Variants in KDM4C observed in about 807,000 individuals in gnomAD.
KDM4C encodes the protein lysine-specific demethylase 4C.
Under a neutral mutation model 129.3 loss-of-function variants are expected in KDM4C, and 81 were observed. The ratio of observed to expected loss-of-function variants is 0.63; its 90% CI spans 0.52 to 0.75. KDM4C has a LOEUF of 0.75. Among genes scored for constraint, KDM4C ranks in the 30% least tolerant of loss-of-function variants. The pLI is 0.00. For synonymous variants in KDM4C, 573 were observed against 456.1 expected, an observed-to-expected ratio of 1.26 and a Z score of -3.26; for missense variants, 1,457 against 1,304.0, an observed-to-expected ratio of 1.12 and a Z score of -1.81.
intron 8 of KDM4C, among the ~76,000 whole-genome samples, chr9:6,930,625 A>G (rs1379380479): frequency 6.7e-6 from 1 of 148,334 alleles, no homozygotes; most frequent in African/African-American, 2.5e-5. Flanking sequence ...ATAATATATA[A>G]CATATTCATA....
At chr9:6,942,065 T>G (rs373563737) in intron 8 of KDM4C, among the ~76,000 whole-genome samples, 1 of 152,194 alleles carries the variant, frequency 6.6e-6, no homozygotes, top group African/African-American at 2.4e-5. Flanking sequence ...CCAATATAAA[T>G]TGGTAGAGCA....
At chr9:6,921,236 C>G (rs1821444532) in intron 8 of KDM4C, among the ~76,000 whole-genome samples, 1 of 152,152 alleles carries the variant, frequency 6.6e-6, no homozygotes, top group African/African-American at 2.4e-5. Context: ...ATGCTGATTA[C>G]TAATGACTAC....
intron 4 of KDM4C, chr9:6,835,151 C>T (rs1835653307): frequency 1.0e-6 from 1 of 972,046 alleles, no homozygotes; most frequent in Non-Finnish European, 1.7e-6. Context: ...GCTTCCAGCT[C>T]CTCCCTGGAG....
intron 19 of KDM4C, among the ~76,000 whole-genome samples, chr9:7,146,967 T>C (rs1022304427): frequency 1.3e-5 from 2 of 152,240 alleles, no homozygotes; most frequent in African/African-American, 4.8e-5. Context: ...TTTTGTCTCC[T>C]CCCTATCCTC....
At chr9:7,037,134 T>G (rs1291498954) in intron 15 of KDM4C, among the ~76,000 whole-genome samples, 1 of 152,204 alleles carries the variant, frequency 6.6e-6, no homozygotes, top group Non-Finnish European at 1.5e-5. Context: ...TCTGTTAATG[T>G]GATTAATTAC....
intron 1 of KDM4C, among the ~76,000 whole-genome samples, chr9:6,783,311 G>A (rs1262066495): frequency 1.3e-5 from 2 of 152,220 alleles, no homozygotes; most frequent in African/African-American, 4.8e-5. Context: ...TGGATTGAAT[G>A]AATAAGGACC....
At chr9:6,798,484 A>C (rs1045868735) in intron 2 of KDM4C, among the ~76,000 whole-genome samples, 5 of 152,072 alleles carry the variant, frequency 3.3e-5, no homozygotes, top group African/African-American at 1.2e-4. Context: ...AACAAAGCAC[A>C]TCTTGCACCG....
At chr9:6,938,204 A>C (rs1825174560) in intron 8 of KDM4C, among the ~76,000 whole-genome samples, 1 of 151,974 alleles carries the variant, frequency 6.6e-6, no homozygotes, top group Admixed American at 6.6e-5. Context: ...TATAATATTT[A>C]ATATATAGAT....
intron 17 of KDM4C, among the ~76,000 whole-genome samples, chr9:7,062,881 T>A (rs1226227977): frequency 6.6e-6 from 1 of 152,180 alleles, no homozygotes; most frequent in Non-Finnish European, 1.5e-5. Flanking sequence ...TGAGGAGGAA[T>A]TGACTTCTGA....
In KDM4C at chr9:6,935,379, T is replaced by C. The variant is rs191044369; in HGVS notation, c.921+42147T>C. On this transcript the variant is annotated intron_variant, in intron 8 of 21. Coordinates refer to ENST00000381309, the MANE Select transcript of KDM4C (RefSeq NM_015061.6). ...TCAATTTTTATATCCTGTTCACATA[T>C]TTTTTAGCTACAGTAAAACATGATT... is the stretch of plus-strand genomic sequence containing the variant. Among the ~76,000 whole-genome samples the C allele has an allele frequency of 1.8e-4, 28 of 152,228 alleles. No individual in the cohort carries two copies. The East Asian group carries it at 5.4e-3, about 29-fold the overall frequency.
chr9:7,107,683 T>A (rs1837849646), intron 18 of KDM4C, among the ~76,000 whole-genome samples: 2 of 152,232 alleles, frequency 1.3e-5, no homozygotes, highest in African/African-American at 2.4e-5. Flanking sequence ...GTTGTATTCA[T>A]AGCTTTAGAA....
chr9:7,173,839 C>T (rs1845194592), intron 21 of KDM4C, among the ~76,000 whole-genome samples: 1 of 152,168 alleles, frequency 6.6e-6, no homozygotes, highest in Admixed American at 6.5e-5. Flanking sequence ...TGGGGAAATG[C>T]ACTTACAGGC....
chr9:6,964,219 T>C (rs575164383), intron 8 of KDM4C, among the ~76,000 whole-genome samples: 5 of 152,082 alleles, frequency 3.3e-5, no homozygotes, highest in South Asian at 4.2e-4. Flanking sequence ...AGGTATATCT[T>C]CTATTGCTAT....
intron 17 of KDM4C, among the ~76,000 whole-genome samples, chr9:7,068,917 G>A (rs1261701561): frequency 2.6e-5 from 4 of 151,744 alleles, no homozygotes; most frequent in Non-Finnish European, 5.9e-5. Context: ...GACTGGTCTC[G>A]AACTCCTGAC....
chr9:7,086,950 C>G (rs895407221), intron 17 of KDM4C, among the ~76,000 whole-genome samples: 1 of 152,234 alleles, frequency 6.6e-6, no homozygotes, highest in African/African-American at 2.4e-5. Flanking sequence ...CCATGCGTCT[C>G]TGAGCTCACC....
chr9:7,115,660 T>C (rs905242777), intron 18 of KDM4C, among the ~76,000 whole-genome samples: 3 of 152,214 alleles, frequency 2.0e-5, no homozygotes, highest in African/African-American at 7.2e-5. Flanking sequence ...AAAAGGCAAT[T>C]AAATGAAATA....
At chr9:6,934,608 C>T (rs918588528) in intron 8 of KDM4C, among the ~76,000 whole-genome samples, 3 of 151,698 alleles carry the variant, frequency 2.0e-5, no homozygotes, top group African/African-American at 7.3e-5. Flanking sequence ...GGACTACAGG[C>T]ACGCGCCACC....
chr9:6,757,641 G>A (rs1818448517), upstream of KDM4C: 2 of 985,488 alleles, frequency 2.0e-6, no homozygotes, highest in African/African-American at 3.5e-5. Flanking sequence ...GTCGGAGGCC[G>A]CCATAGGTGC....
At position 6,735,623 on chromosome 9, in the gene KDM4C, C is replaced by T. The variant is rs575490848; in HGVS notation, c.49+14626C>T. ...TTTGCATGCTGCCATCCATGTGAGACGTGCCTTGCTCCTCCTTGCCTTCTG... is the reference window on the plus strand; with the variant it reads ...TTTGCATGCTGCCATCCATGTGAGATGTGCCTTGCTCCTCCTTGCCTTCTG... On this transcript the variant is annotated intron_variant, in intron 1 of 17. Coordinates refer to the KDM4C transcript ENST00000536108. 2.0e-4 allele frequency among the ~76,000 whole-genome samples: 30 copies of T among 152,304 alleles called. 1 individual carries two copies. The South Asian group carries it at 4.6e-3, about 23-fold the overall frequency.
Sources: gnomAD v4.1 joint callset for allele counts (sites outside exome capture counted in the v4.1 genomes callset) on GRCh38, gnomAD v4.1.1 for gene constraint, MANE v1.5 for transcripts, NCBI Gene and HGNC (gene_info 2026-07-23, HGNC 2026-07-21) for gene names.